The following FGF14 variants were observed in gnomAD, a reference collection of about 807,000 sequenced individuals.
FGF14 encodes the protein fibroblast growth factor 14.
FGF14 carries 5 observed loss-of-function variants against 25.5 expected under a neutral mutation model. The observed-to-expected ratio is 0.20, with a 90% CI of 0.10 to 0.41. The LOEUF is 0.41. Ranked by LOEUF, FGF14 falls within the 10% of genes least tolerant of loss-of-function variation. The pLI is 1.00. For synonymous variants in FGF14, 138 were observed against 118.3 expected (o/e 1.17, Z -1.08); for missense variants, 222 against 320.1 (o/e 0.69, Z 2.34).
chr13:102,220,492 T>C (rs1013240024), intron 1 of FGF14, among the ~76,000 whole-genome samples: 1 of 152,182 alleles, frequency 6.6e-6, no homozygotes, highest in Non-Finnish European at 1.5e-5. Flanking sequence ...TTCAAGACAT[T>C]AGATATATTT....
intron 1 of FGF14, among the ~76,000 whole-genome samples, chr13:102,262,073 A>G (rs1014414265): frequency 4.6e-5 from 7 of 152,228 alleles, no homozygotes; most frequent in African/African-American, 1.7e-4. Flanking sequence ...GAGCAAACAG[A>G]TGTGAATGTT....
rs1296425441 is a variant in FGF14, at chr13:102,217,350, A to C, written c.208+184121T>G. Among the ~76,000 whole-genome samples, 4 of 152,218 alleles carry C rather than the reference A, an allele frequency of 2.6e-5. No homozygotes were observed. The East Asian group carries it at 7.7e-4, about 29-fold the overall frequency. ...GTTTTATTGCTATCTTCTTCCATGG[A>C]GAAGAATAAGCCACTATCAAAACGC... On this transcript the variant is annotated intron_variant, in intron 1 of 4. Transcript: ENST00000376131.
At chr13:102,202,288 T>G (rs994904959) in intron 1 of FGF14, among the ~76,000 whole-genome samples, 7 of 152,282 alleles carry the variant, frequency 4.6e-5, no homozygotes, top group South Asian at 4.1e-4. Context: ...CAAGAAAGAT[T>G]ATCATGGTCG....
At chr13:102,365,475 T>G (rs1404476509) in intron 1 of FGF14, among the ~76,000 whole-genome samples, 2 of 152,356 alleles carry the variant, frequency 1.3e-5, no homozygotes, top group East Asian at 3.8e-4. Context: ...GCCACCCCTC[T>G]GGATTCTACT....
intron 1 of FGF14, among the ~76,000 whole-genome samples, chr13:102,134,302 A>G (rs1224593885): frequency 6.6e-6 from 1 of 152,134 alleles, no homozygotes; most frequent in Admixed American, 6.5e-5. Context: ...AGGAAAAAAA[A>G]TCCCTAAGCA....
At chr13:102,161,901 A>G (rs1221179347) in intron 1 of FGF14, among the ~76,000 whole-genome samples, 1 of 150,736 alleles carries the variant, frequency 6.6e-6, no homozygotes, top group Admixed American at 6.6e-5. Context: ...TAATCTCTTT[A>G]TCAAGGAAAA....
chr13:101,969,408 C>CAA (rs151264681), intron 1 of FGF14, among the ~76,000 whole-genome samples: 1 of 150,530 alleles, frequency 6.6e-6, no homozygotes, highest in South Asian at 2.1e-4. Flanking sequence ...CTAAAAATAA[C>CAA]AAAAAAAAAG....
chr13:101,715,947 G>A lies in FGF14; in HGVS notation c.*6884C>T, dbSNP rs538626366. 1.2e-5 allele frequency: 4 copies of A among 328,222 alleles called. No individual in the cohort carries two copies. The highest frequency in any genetic ancestry group is 4.3e-5 in the African/African-American group (2 of 46,740). 20.3% of individuals were successfully genotyped at this position (328,222 alleles called of 1,614,324 possible). A position where few individuals can be genotyped will look rare whatever the true frequency, so the allele number is the denominator to read the frequency against. Reference sequence around the variant, plus strand: ...GCAACATCTACAGACAATTTTGATTGTCACACTGGGTCGGGTAGGAAGGTA... The same window carrying A: ...GCAACATCTACAGACAATTTTGATTATCACACTGGGTCGGGTAGGAAGGTA... On this transcript the variant is annotated 3_prime_UTR_variant, in exon 5 of 5. Coordinates refer to ENST00000376143, the MANE Select transcript of FGF14 (RefSeq NM_004115.4).
At chr13:101,850,489 T>G (rs1360829954) in intron 3 of FGF14, among the ~76,000 whole-genome samples, 2 of 902 alleles carry the variant, frequency 2.2e-3, no homozygotes, top group African/African-American at 7.5e-3. Context: ...TATATATATA[T>G]ATATATATAT....
chr13:102,319,838 T>C (rs576832928), intron 1 of FGF14, among the ~76,000 whole-genome samples: 1 of 152,292 alleles, frequency 6.6e-6, no homozygotes, highest in African/African-American at 2.4e-5. Context: ...AGAGATGATA[T>C]AGACATAGAT....
chr13:101,816,847 C>G (rs773567289), intron 3 of FGF14, among the ~76,000 whole-genome samples: 1 of 152,106 alleles, frequency 6.6e-6, no homozygotes, highest in Non-Finnish European at 1.5e-5. Context: ...ATTTCTACAG[C>G]AGAAGGATTA....
intron 1 of FGF14, among the ~76,000 whole-genome samples, chr13:102,396,958 T>C (rs772836535): frequency 3.3e-5 from 5 of 152,168 alleles, no homozygotes; most frequent in Non-Finnish European, 7.3e-5. Flanking sequence ...TGAATCCCAC[T>C]CTACAGCCAA....
rs372788357 is a variant in FGF14 at position 102,267,246 on chromosome 13, C to T, written c.208+134225G>A. ...ATTTGGGGCTCAACCACACCCTAGT[C>T]GGGGAGCTTCTCAATGAAGGGACCT... On this transcript the variant is annotated intron_variant, in intron 1 of 4. Coordinates refer to the FGF14 transcript ENST00000376131. Among the ~76,000 whole-genome samples, 15 of 152,240 alleles carry T rather than the reference C, an allele frequency of 9.9e-5. No homozygotes were observed. In the East Asian group the frequency reaches 2.5e-3, roughly 25 times the overall value.
chr13:102,145,435 G>A (rs1031650430), intron 1 of FGF14, among the ~76,000 whole-genome samples: 3 of 152,162 alleles, frequency 2.0e-5, no homozygotes, highest in Non-Finnish European at 4.4e-5. Context: ...ACAGAACCTA[G>A]ATGAATGTCA....
At chr13:102,124,933 C>T (rs756894105) in intron 1 of FGF14, among the ~76,000 whole-genome samples, 9 of 152,080 alleles carry the variant, frequency 5.9e-5, no homozygotes, top group South Asian at 2.1e-4. Context: ...CTTAGAAATA[C>T]TATTTCACTA....
At chr13:102,396,972 T>C (rs1449787555) in intron 1 of FGF14, among the ~76,000 whole-genome samples, 1 of 152,178 alleles carries the variant, frequency 6.6e-6, no homozygotes, top group Non-Finnish European at 1.5e-5. Flanking sequence ...CAGCCAAGCA[T>C]GTTAGAAGAA....
intron 1 of FGF14, among the ~76,000 whole-genome samples, chr13:102,095,425 A>AGGCCCAT (rs1341079006): frequency 5.9e-5 from 9 of 152,300 alleles, no homozygotes; most frequent in African/African-American, 2.2e-4. Flanking sequence ...ATGAGACAGG[A>AGGCCCAT]GGCCCATGAA....
At chr13:101,836,586 T>C (rs1206604424) in intron 3 of FGF14, among the ~76,000 whole-genome samples, 1 of 152,084 alleles carries the variant, frequency 6.6e-6, no homozygotes, top group Admixed American at 6.6e-5. Flanking sequence ...TATATCTAAC[T>C]TGTTTGGCAA....
chr13:101,921,278 C>T (rs541066492), upstream of FGF14, among the ~76,000 whole-genome samples: 2 of 152,242 alleles, frequency 1.3e-5, no homozygotes, highest in African/African-American at 4.8e-5. Context: ...CTTCATCATT[C>T]CTCTACTAAC....
Sources: allele counts gnomAD v4.1 joint callset (sites outside exome capture counted in the v4.1 genomes callset), GRCh38; gene constraint gnomAD v4.1.1; transcripts MANE v1.5; gene names NCBI Gene and HGNC (gene_info 2026-07-23, HGNC 2026-07-21).